The following CAMK2B variants were observed in gnomAD, a reference collection of about 807,000 sequenced individuals.
CAMK2B encodes the protein calcium/calmodulin-dependent protein kinase type II subunit beta.
CAMK2B carries 27 observed loss-of-function variants against 93.7 expected under a neutral mutation model. That is an observed-to-expected ratio of 0.29 (90% CI 0.21 to 0.40). CAMK2B has a LOEUF of 0.40. Ranked by LOEUF, CAMK2B falls within the 10% of genes least tolerant of loss-of-function variation. The pLI is 1.00. For missense variants in CAMK2B, 568 were observed against 895.8 expected (o/e 0.63, Z 4.67); for synonymous variants, 374 against 358.8 (o/e 1.04, Z -0.48).
intron 6 of CAMK2B, among the ~76,000 whole-genome samples, chr7:44,244,737 A>G (rs934073518): frequency 6.6e-6 from 1 of 151,616 alleles, no homozygotes; most frequent in Non-Finnish European, 1.5e-5. Flanking sequence ...ATGTGGAAAG[A>G]CTGCCACAGC....
intron 16 of CAMK2B, among the ~76,000 whole-genome samples, chr7:44,231,371 AGGCC>A (rs2128922815): frequency 6.6e-6 from 1 of 152,290 alleles, no homozygotes; most frequent in South Asian, 2.1e-4. Flanking sequence ...ACGGAGTCCG[AGGCC>A]GGCCCTGCCA....
intron 2 of CAMK2B, 100 bp downstream of exon 2, chr7:44,284,031 C>T: frequency 1.2e-6 from 1 of 842,092 alleles, no homozygotes; most frequent in Non-Finnish European, 1.9e-6. Context: ...AAGTGCTGGC[C>T]AAGACTGGGA....
At chr7:44,220,573 G>C in intron 22 of CAMK2B, 43 bp downstream of exon 22, 2 of 1,527,074 alleles carry the variant, frequency 1.3e-6, no homozygotes, top group South Asian at 1.2e-5. Flanking sequence ...AGGCTCTCCT[G>C]GGGGCACCGC....
chr7:44,253,157 A>AT (rs1301462971), intron 5 of CAMK2B, among the ~76,000 whole-genome samples: 2 of 149,358 alleles, frequency 1.3e-5, no homozygotes, highest in Non-Finnish European at 3.0e-5. Context: ...AAAAAAATTC[A>AT]TTTTTCTGGA....
chr7:44,275,257 G>C (rs752856786), intron 2 of CAMK2B, among the ~76,000 whole-genome samples: 3 of 152,200 alleles, frequency 2.0e-5, no homozygotes, highest in Non-Finnish European at 4.4e-5. Context: ...GGAGGCTCAG[G>C]AACCTGGCAT....
At chr7:44,234,541 T>A (rs2096607802) in intron 14 of CAMK2B, 80 bp from the exon 15 acceptor site, 1 of 1,585,072 alleles carries the variant, frequency 6.3e-7, no homozygotes, top group African/African-American at 1.4e-5. Flanking sequence ...TCTCAGGGCA[T>A]GGGGGGAGGG....
At chr7:44,261,105 C>T (rs554832655) in intron 3 of CAMK2B, among the ~76,000 whole-genome samples, 1 of 152,334 alleles carries the variant, frequency 6.6e-6, no homozygotes, top group East Asian at 1.9e-4. Context: ...TCCTAGGCTC[C>T]CATTCTACCC....
intron 1 of CAMK2B, among the ~76,000 whole-genome samples, chr7:44,284,634 G>T (rs762406119): frequency 6.6e-6 from 1 of 152,212 alleles, no homozygotes; most frequent in East Asian, 1.9e-4. Flanking sequence ...AGGCATCCTC[G>T]GGGGCTCTGT....
chr7:44,279,938 C>T (rs79601140), intron 2 of CAMK2B, among the ~76,000 whole-genome samples: 1,808 of 152,298 alleles, frequency 0.012, 10 homozygotes, highest in Non-Finnish European at 0.02. Context: ...TCAGTGGCAG[C>T]GCAACTCCAC....
intron 1 of CAMK2B, among the ~76,000 whole-genome samples, chr7:44,304,554 G>A (rs961868654): frequency 1.8e-4 from 28 of 152,324 alleles, no homozygotes; most frequent in African/African-American, 6.3e-4. Flanking sequence ...GCTGGAAAAG[G>A]CAGAAGAGAG....
At chr7:44,321,514 GGT>G (rs1796083558) in intron 1 of CAMK2B, among the ~76,000 whole-genome samples, 1 of 152,126 alleles carries the variant, frequency 6.6e-6, no homozygotes, top group African/African-American at 2.4e-5. Context: ...CCTGAACTTC[GGT>G]TCTTTGTCTG....
intron 2 of CAMK2B, among the ~76,000 whole-genome samples, chr7:44,266,685 G>T (rs949271082): frequency 6.6e-6 from 1 of 152,154 alleles, no homozygotes; most frequent in Non-Finnish European, 1.5e-5. Flanking sequence ...GCCAACAGCG[G>T]CTCCCTACCT....
At chr7:44,270,205 C>T (rs1193676598) in intron 2 of CAMK2B, among the ~76,000 whole-genome samples, 1 of 152,122 alleles carries the variant, frequency 6.6e-6, no homozygotes, top group Non-Finnish European at 1.5e-5. Context: ...GGAGGAGATC[C>T]TCAAGGACAA....
intron 5 of CAMK2B, among the ~76,000 whole-genome samples, chr7:44,250,338 G>T (rs1182003112): frequency 6.6e-6 from 1 of 152,190 alleles, no homozygotes; most frequent in African/African-American, 2.4e-5. Flanking sequence ...TCTAGGAAGG[G>T]CCGATCCCCT....
At chr7:44,229,275 G>A (rs1157552570) in intron 18 of CAMK2B, 113 bp downstream of exon 18, 2 of 698,296 alleles carry the variant, frequency 2.9e-6, no homozygotes, top group Non-Finnish European at 4.8e-6. Context: ...GTGGGGTGAT[G>A]AGGCTGGAGC....
chr7:44,242,019 C>T (rs1440598780), intron 10 of CAMK2B, among the ~76,000 whole-genome samples, 199 bp downstream of exon 10: 1 of 152,216 alleles, frequency 6.6e-6, no homozygotes, highest in African/African-American at 2.4e-5. Flanking sequence ...CACCTCTACC[C>T]TCTAATGCCT....
intron 1 of CAMK2B, among the ~76,000 whole-genome samples, chr7:44,315,547 A>G (rs1395205711): frequency 1.3e-5 from 2 of 152,236 alleles, no homozygotes; most frequent in African/African-American, 4.8e-5. Flanking sequence ...AGATTGTTTT[A>G]GCTATTTTGG....
intron 1 of CAMK2B, chr7:44,323,722 A>G (rs1412936407): frequency 1.3e-5 from 2 of 154,926 alleles, no homozygotes; most frequent in African/African-American, 2.4e-5. Flanking sequence ...GCGCAAGCAG[A>G]AAAGACAACA....
intron 2 of CAMK2B, among the ~76,000 whole-genome samples, chr7:44,280,633 T>C (rs1280267797): frequency 6.6e-6 from 1 of 152,174 alleles, no homozygotes; most frequent in Non-Finnish European, 1.5e-5. Context: ...CAAACTCAAT[T>C]CACTGACACA....
Sources: allele counts gnomAD v4.1 joint callset (sites outside exome capture counted in the v4.1 genomes callset), GRCh38; gene constraint gnomAD v4.1.1; transcripts MANE v1.5; gene names NCBI Gene and HGNC (gene_info 2026-07-23, HGNC 2026-07-21).